Variants in CSNK1G2 observed in about 807,000 individuals in gnomAD.
CSNK1G2 encodes casein kinase 1 gamma 2.
In CSNK1G2, 11 loss-of-function variants were observed where a neutral mutation model predicts 48.0. The observed-to-expected ratio is 0.23, with a 90% CI of 0.14 to 0.38. The LOEUF (loss-of-function observed/expected upper bound fraction) is 0.38. Among genes scored for constraint, CSNK1G2 ranks in the 10% least tolerant of loss-of-function variants. The probability of loss-of-function intolerance (pLI) is 1.00; values close to 1 mark genes in which losing one functional copy is unlikely to be tolerated. For missense variants in CSNK1G2, 446 were observed against 595.5 expected (o/e 0.75, Z 2.61); for synonymous variants, 337 against 254.1 (o/e 1.33, Z -3.10).
chr19:1,960,976 G>A (rs1568191407), intron 1 of CSNK1G2, among the ~76,000 whole-genome samples: 1 of 152,236 alleles, frequency 6.6e-6, no homozygotes, highest in Admixed American at 6.5e-5. Context: ...GAATGTCCCC[G>A]TGCTGGTGGC....
chr19:1,953,197 ACT>A (rs2014842341), intron 1 of CSNK1G2, among the ~76,000 whole-genome samples: 1 of 151,854 alleles, frequency 6.6e-6, no homozygotes, highest in Non-Finnish European at 1.5e-5. Flanking sequence ...GGGGTGCCTG[ACT>A]CTGCCTGCAC....
intron 1 of CSNK1G2, among the ~76,000 whole-genome samples, chr19:1,965,640 A>T (rs1279108752): frequency 6.6e-6 from 1 of 152,058 alleles, no homozygotes; most frequent in African/African-American, 2.4e-5. Flanking sequence ...AGCTGGGGCT[A>T]CAGGTGCGTG....
chr19:1,951,577 G>A (rs1180835646), intron 1 of CSNK1G2, among the ~76,000 whole-genome samples: 2 of 145,646 alleles, frequency 1.4e-5, no homozygotes, highest in Non-Finnish European at 1.5e-5. Context: ...GTTGGGGGGT[G>A]CAGCCTCCCG....
chr19:1,968,200 C>T (rs1476618854), intron 1 of CSNK1G2, among the ~76,000 whole-genome samples: 1 of 61,914 alleles, frequency 1.6e-5, no homozygotes, highest in Non-Finnish European at 2.7e-5. Context: ...TCCCTCCTCC[C>T]TCCTCCCCAG....
rs1317230929 is a variant in CSNK1G2, at chr19:1,981,317, A to G, written c.*1114A>G. On this transcript the variant is annotated 3_prime_UTR_variant, in exon 12 of 12. Transcript: ENST00000255641. ...AGAATTTAGGGGCTTTTTTAAAAAA[A>G]TAAAAGAAAAATGAAACCAAACCCA... The G allele has an allele frequency of 6.6e-6, 1 of 152,214 alleles. No homozygotes were observed. The highest frequency in any genetic ancestry group is 1.5e-5 in the Non-Finnish European group (1 of 68,030). 9.4% of individuals were successfully genotyped at this position (152,214 alleles called of 1,614,324 possible).
At chr19:1,946,392 C>T (rs994266195) in intron 1 of CSNK1G2, among the ~76,000 whole-genome samples, 1 of 150,052 alleles carries the variant, frequency 6.7e-6, no homozygotes, top group African/African-American at 2.5e-5. Context: ...CTTGGGTTCA[C>T]GCCATTCTCC....
At chr19:1,973,671 G>A (rs1254533846) in intron 2 of CSNK1G2, among the ~76,000 whole-genome samples, 1 of 152,204 alleles carries the variant, frequency 6.6e-6, no homozygotes, top group African/African-American at 2.4e-5. Context: ...TTTTTCTGCA[G>A]CCTCCAACCC....
intron 1 of CSNK1G2, among the ~76,000 whole-genome samples, chr19:1,964,040 C>T (rs951285076): frequency 6.6e-6 from 1 of 152,120 alleles, no homozygotes; most frequent in Non-Finnish European, 1.5e-5. Context: ...TTGTCTCAAA[C>T]TCCTGACCTC....
intron 1 of CSNK1G2, among the ~76,000 whole-genome samples, chr19:1,941,821 T>C (rs2014375472): frequency 8.4e-6 from 1 of 118,544 alleles, no homozygotes; most frequent in Non-Finnish European, 1.8e-5. Context: ...GTGCTCCAAC[T>C]CTCCTGCCCT....
At position 1,978,370 on chromosome 19, in the gene CSNK1G2, C is replaced by T; in HGVS notation, c.228+25C>T. 6.2e-7 allele frequency: 1 copy of T among 1,612,634 alleles called. No homozygotes were observed. Among genetic ancestry groups the T allele is most frequent in the East Asian group, 2.2e-5 (1 of 44,856 alleles). ...GGTGAGTCGGCCCCTCCACCCCACC[C>T]CCGCTGACGTGCCCCCCAGGGATTT... is the stretch of plus-strand genomic sequence containing the variant. On this transcript the variant is annotated intron_variant, in intron 3 of 11. Transcript: ENST00000255641. This position sits in a 1 kb window ranked among gnomAD's most constrained non-coding sequence, Gnocchi z 7.3.
chr19:1,950,146 A>G (rs1161872523), intron 1 of CSNK1G2, among the ~76,000 whole-genome samples: 1 of 151,324 alleles, frequency 6.6e-6, no homozygotes, highest in African/African-American at 2.4e-5. Flanking sequence ...ATTTATTTAT[A>G]TATTTATTTA....
At chr19:1,973,380 C>T (rs2015642585) in intron 2 of CSNK1G2, among the ~76,000 whole-genome samples, 1 of 151,818 alleles carries the variant, frequency 6.6e-6, no homozygotes, top group Non-Finnish European at 1.5e-5. Flanking sequence ...GCCACCACGC[C>T]CAGCTAAATT....
intron 1 of CSNK1G2, among the ~76,000 whole-genome samples, chr19:1,946,139 G>A (rs2014547178): frequency 6.6e-6 from 1 of 152,154 alleles, no homozygotes; most frequent in African/African-American, 2.4e-5. Flanking sequence ...ACCTGCAGGG[G>A]GAGCTAGCTG....
chr19:1,966,594 G>A (rs960943339), intron 1 of CSNK1G2, among the ~76,000 whole-genome samples: 1 of 152,190 alleles, frequency 6.6e-6, no homozygotes, highest in African/African-American at 2.4e-5. Context: ...GCCGGGTTGA[G>A]AGGACCGACT....
chr19:1,975,881 CA>C, intron 2 of CSNK1G2: 1 of 719,364 alleles, frequency 1.4e-6, no homozygotes. Flanking sequence ...AGTAAAAATA[CA>C]AAAATTAGCC....
chr19:1,955,391 G>T (rs1325177398), intron 1 of CSNK1G2, among the ~76,000 whole-genome samples: 1 of 152,186 alleles, frequency 6.6e-6, no homozygotes, highest in South Asian at 2.1e-4. Context: ...AGCGGCCACC[G>T]TGGGCGGCAG....
In CSNK1G2 at chr19:1,949,809, T is replaced by C. The variant is rs557702351; in HGVS notation, c.-266+8391T>C. Among the ~76,000 whole-genome samples the C allele has an allele frequency of 1.7e-4, 26 of 152,358 alleles. No individual in the cohort carries two copies. In the East Asian group the frequency reaches 5.0e-3, roughly 29 times the overall value. ...TGGTTTCTCCTGTCCTTCGGCCCGA[T>C]GCTTCTCTGGCCTGCAGGGCATCAG... On this transcript the variant is annotated intron_variant, in intron 1 of 11. Transcript: ENST00000255641.
At chr19:1,942,465 C>G (rs182936210) in intron 1 of CSNK1G2, 1 of 152,354 alleles carries the variant, frequency 6.6e-6, no homozygotes, top group African/African-American at 2.4e-5. Flanking sequence ...CTCCCCGTTA[C>G]GCTCCACCGT....
At chr19:1,961,905 C>T (rs1003207890) in intron 1 of CSNK1G2, among the ~76,000 whole-genome samples, 2 of 152,176 alleles carry the variant, frequency 1.3e-5, no homozygotes, top group African/African-American at 4.8e-5. Context: ...CACGGCCACT[C>T]GGCCACATCA....
Sources: gnomAD v4.1 joint callset for allele counts (sites outside exome capture counted in the v4.1 genomes callset) on GRCh38, gnomAD v4.1.1 for gene constraint, Gnocchi (gnomAD v3.1) non-coding constraint, MANE v1.5 for transcripts, NCBI Gene and HGNC (gene_info 2026-07-23, HGNC 2026-07-21) for gene names.